FAM131B: variants seen among roughly 807,000 people sequenced by gnomAD.
FAM131B encodes family with sequence similarity 131 member B.
Under a neutral mutation model 42.0 loss-of-function variants are expected in FAM131B, and 19 were observed. That is an observed-to-expected ratio of 0.45 (90% confidence interval 0.32 to 0.66). The LOEUF (loss-of-function observed/expected upper bound fraction) is 0.66. FAM131B is among the 30% of genes least tolerant of loss of function. The probability of loss-of-function intolerance (pLI) is 0.05; values close to 1 mark genes in which losing one functional copy is unlikely to be tolerated. For missense variants in FAM131B, 370 were observed against 468.4 expected, an observed-to-expected ratio of 0.79 and a Z score of 1.94; for synonymous variants, 183 against 177.6, an observed-to-expected ratio of 1.03 and a Z score of -0.24.
chr7:143,368,950 G>A, the FAM131B span, among the ~76,000 whole-genome samples: 2 of 152,182 alleles, frequency 1.3e-5, no homozygotes, highest in East Asian at 3.8e-4. Flanking sequence ...GCTCCAGTTG[G>A]CTATGTCTTT....
chr7:143,359,997 G>T lies in FAM131B; in HGVS notation c.138+43C>A. On this transcript the variant is annotated intron_variant, in intron 2 of 6. Transcript: ENST00000443739. This position sits in a 1 kb window ranked among gnomAD's most constrained non-coding sequence, Gnocchi z 5.4. ...GGGTTGTTGCCTTGGAATTGAGGAA[G>T]TGCAGGCAGCCAGAGACTTGGGGTG... 1 of 1,432,642 alleles carries T rather than the reference G, an allele frequency of 7.0e-7. No homozygotes were observed. The highest frequency in any genetic ancestry group is 9.8e-7 in the Non-Finnish European group (1 of 1,018,484). The allele number at this position is 1,432,642 out of a possible 1,614,324, so 88.7% of individuals were successfully genotyped here. A position where few individuals can be genotyped will look rare whatever the true frequency, so the allele number is the denominator to read the frequency against.
chr7:143,382,189 G>A, the FAM131B span: 7 of 1,432,460 alleles, frequency 4.9e-6, no homozygotes, highest in Non-Finnish European at 6.8e-6. Flanking sequence ...GTTAACTGAG[G>A]GGAGCTTGGG....
chr7:143,362,499 G>T lies in FAM131B; in HGVS notation c.28+77C>A, dbSNP rs1473108137. ...TGCGGAGCGGGGCGCCCGGAGGCGC[G>T]AGGAGAGGGATGGGGGAGGGGGTCG... is the stretch of plus-strand genomic sequence containing the variant. On this transcript the variant is annotated intron_variant, in intron 1 of 6. Coordinates refer to ENST00000443739, the MANE Select transcript of FAM131B (RefSeq NM_001031690.3). The surrounding 1 kb of genome is among the most constrained non-coding windows in gnomAD (Gnocchi z 7.7). 3.2e-6 allele frequency: 2 copies of T among 617,910 alleles called. No individual in the cohort carries two copies. Among genetic ancestry groups the T allele is most frequent in the Non-Finnish European group, 4.6e-6 (2 of 431,372 alleles). 38.3% of individuals were successfully genotyped at this position (617,910 alleles called of 1,614,324 possible).
At position 143,356,866 on chromosome 7, in the gene FAM131B, G is replaced by A. The variant is rs778038423; in HGVS notation, c.767C>T (p.Ser256Leu). 1.2e-5 allele frequency: 19 copies of A among 1,614,138 alleles called. No homozygotes were observed. The highest frequency in any genetic ancestry group is 1.5e-5 in the Non-Finnish European group (18 of 1,180,030). The change falls in exon 7 of 7, where the codon TCA becomes TTA. Residue 256 changes from serine (S) to leucine (L), a missense_variant. Transcript: ENST00000443739. This position sits in a 1 kb window ranked among gnomAD's most constrained non-coding sequence, Gnocchi z 4.4. Reference sequence around the variant, plus strand: ...TCCCATTTCATGCAAGCTGGGTTGTGAGTCATCAAATGCAGGCCCAAGATA... The same window carrying A: ...TCCCATTTCATGCAAGCTGGGTTGTAAGTCATCAAATGCAGGCCCAAGATA... ...GSYLGPAFDD[S>L]QPSLHEMGPS...
chr7:143,362,546 G>A lies in FAM131B; in HGVS notation c.28+30C>T. The A allele has an allele frequency of 1.7e-6, 2 of 1,191,320 alleles. No individual in the cohort carries two copies. Among genetic ancestry groups the A allele is most frequent in the Non-Finnish European group, 2.1e-6 (2 of 953,638 alleles). 73.8% of individuals were successfully genotyped at this position (1,191,320 alleles called of 1,614,324 possible). On this transcript the variant is annotated intron_variant, in intron 1 of 6. Transcript: ENST00000443739. The surrounding 1 kb of genome is among the most constrained non-coding windows in gnomAD (Gnocchi z 7.7). ...GTCGGAGGGCGGCCCGGGGGGCCCA[G>A]CCCTGCCCCCGCCCGGCCGCGGTAC...
Position 143,356,828 on chromosome 7 carries a change from C to T in FAM131B, c.805G>A (p.Ala269Thr). The stretch of plus-strand genomic sequence containing the variant: ...GGCTCCAGAGCAGAGTATCCTGAAG[C>T]TGGTTGGGAAGGTCCCATTTCATGC... ...SLHEMGPSQPASGYSALEPPP... is the reference protein window; with the variant it reads ...SLHEMGPSQPTSGYSALEPPP... The change falls in exon 7 of 7, where the codon GCT becomes ACT. Residue 269 changes from alanine to threonine, a missense_variant. Physicochemically the swap from Ala to Thr is moderately conservative, Grantham distance 58. Transcript: ENST00000443739. The surrounding 1 kb of genome is among the most constrained non-coding windows in gnomAD (Gnocchi z 4.4). 4 of 1,614,134 alleles carry T rather than the reference C, an allele frequency of 2.5e-6. No individual in the cohort carries two copies. Among genetic ancestry groups the T allele is most frequent in the Non-Finnish European group, 2.5e-6 (3 of 1,180,034 alleles).
At chr7:143,362,803 C>T (rs1161040802), upstream of FAM131B, 1 of 174,158 alleles carries the variant, frequency 5.7e-6, no homozygotes, top group East Asian at 1.8e-4. The surrounding 1 kb of genome is among the most constrained non-coding windows in gnomAD (Gnocchi z 7.7). Flanking sequence ...CGCCTGGCTC[C>T]CCCGCCCCGG....
At chr7:143,365,137 A>C (rs1804150787), upstream of FAM131B, among the ~76,000 whole-genome samples, 1 of 152,238 alleles carries the variant, frequency 6.6e-6, no homozygotes, top group Non-Finnish European at 1.5e-5. Context: ...TCAAAGTACA[A>C]GAGAGGGGAA....
the FAM131B span, among the ~76,000 whole-genome samples, chr7:143,375,084 C>A: frequency 1.3e-5 from 2 of 152,322 alleles, no homozygotes; most frequent in African/African-American, 2.4e-5. Context: ...AACTGTCCTG[C>A]ACATAGTAGG....
chr7:143,356,789 C>G lies in FAM131B; in HGVS notation c.844G>C (p.Gly282Arg), dbSNP rs766928709. The stretch of plus-strand genomic sequence containing the variant: ...CCCGGAGCCCAGTCAGTGTCTCCCC[C>G]CAGCAAAGGTGGAGGCTCCAGAGCA... ...YSALEPPPLL[G>R]GDTDWAPGVG... The change falls in exon 7 of 7, where the codon GGG becomes CGG. Residue 282 changes from glycine (G) to arginine (R), a missense_variant. Coordinates refer to ENST00000443739, the MANE Select transcript of FAM131B (RefSeq NM_001031690.3). The surrounding 1 kb of genome is among the most constrained non-coding windows in gnomAD (Gnocchi z 4.4). 1.9e-6 allele frequency: 3 copies of G among 1,614,020 alleles called. No individual in the cohort carries two copies. Among genetic ancestry groups the G allele is most frequent in the Non-Finnish European group, 2.5e-6 (3 of 1,180,024 alleles).
Position 143,356,863 on chromosome 7 carries a change from T to G in FAM131B, c.770A>C (p.Gln257Pro). Residue 257 changes from glutamine (Q) to proline (P), a missense_variant, in exon 7 of 7, where the codon CAA (glutamine) becomes CCA (proline). Gln to Pro is a moderately conservative substitution (Grantham distance 76, BLOSUM62 -1). Coordinates refer to ENST00000443739, the MANE Select transcript of FAM131B (RefSeq NM_001031690.3). This position sits in a 1 kb window ranked among gnomAD's most constrained non-coding sequence, Gnocchi z 4.4. Reference protein sequence around the residue: ...SYLGPAFDDSQPSLHEMGPSQ... With the variant: ...SYLGPAFDDSPPSLHEMGPSQ... ...AGGTCCCATTTCATGCAAGCTGGGTTGTGAGTCATCAAATGCAGGCCCAAG... is the reference window on the plus strand; with the variant it reads ...AGGTCCCATTTCATGCAAGCTGGGTGGTGAGTCATCAAATGCAGGCCCAAG... The G allele has an allele frequency of 6.2e-7, 1 of 1,614,110 alleles. No homozygotes were observed. Among genetic ancestry groups the G allele is most frequent in the South Asian group, 1.1e-5 (1 of 91,088 alleles).
chr7:143,374,940 G>A, the FAM131B span, among the ~76,000 whole-genome samples: 2 of 152,112 alleles, frequency 1.3e-5, no homozygotes, highest in Non-Finnish European at 2.9e-5. Context: ...TCCTGTAACA[G>A]TTGCAGTTTT....
chr7:143,368,977 C>T, the FAM131B span, among the ~76,000 whole-genome samples: 1 of 152,160 alleles, frequency 6.6e-6, no homozygotes, highest in East Asian at 1.9e-4. Context: ...GTGAGCCAAT[C>T]AAGTCCAGAG....
upstream of FAM131B, among the ~76,000 whole-genome samples, chr7:143,364,693 C>T (rs1030696010): frequency 2.6e-5 from 4 of 152,172 alleles, no homozygotes; most frequent in Non-Finnish European, 4.4e-5. Flanking sequence ...ATATTCTAGG[C>T]ATATTCCTGG....
chr7:143,356,188 G>A lies in FAM131B; in HGVS notation c.*362C>T. 1 of 242,186 alleles carries A rather than the reference G, an allele frequency of 4.1e-6. No individual in the cohort carries two copies. The highest frequency in any genetic ancestry group is 9.6e-5 in the South Asian group (1 of 10,420). 15.0% of individuals were successfully genotyped at this position (242,186 alleles called of 1,614,324 possible). A position where few individuals can be genotyped will look rare whatever the true frequency, so the allele number is the denominator to read the frequency against. ...TTACAGCTCCTGGAAGACGAAATCG[G>A]GGCGTGAAGAACTGAGATCCAGTCT... On this transcript the variant is annotated 3_prime_UTR_variant, in exon 7 of 7. Transcript: ENST00000443739. This position sits in a 1 kb window ranked among gnomAD's most constrained non-coding sequence, Gnocchi z 4.4.
At chr7:143,360,297 G>A in intron 1 of FAM131B, 148 bp from the exon 2 acceptor site, 1 of 1,456,238 alleles carries the variant, frequency 6.9e-7, no homozygotes, top group Non-Finnish European at 9.0e-7. Context: ...GGGGAGACAA[G>A]TAGTAATGCT....
In FAM131B at chr7:143,362,481, C is replaced by T; in HGVS notation, c.28+95G>A. ...CTAGCAGGGCAAGGCGGGTGCGGAG[C>T]GGGGCGCCCGGAGGCGCGAGGAGAG... On this transcript the variant is annotated intron_variant, in intron 1 of 6. Coordinates refer to ENST00000443739, the MANE Select transcript of FAM131B (RefSeq NM_001031690.3). This position sits in a 1 kb window ranked among gnomAD's most constrained non-coding sequence, Gnocchi z 7.7. The T allele has an allele frequency of 4.7e-6, 2 of 428,586 alleles. No homozygotes were observed. The highest frequency in any genetic ancestry group is 2.1e-5 in the African/African-American group (1 of 46,924). The allele number at this position is 428,586 out of a possible 1,614,324, so 26.5% of individuals were successfully genotyped here.
chr7:143,359,966 G>C lies in FAM131B; in HGVS notation c.138+74C>G. Reference sequence around the variant, plus strand: ...TCTGTAGAAGTGTCAGTCTGAAGGAGTGTTTGGGTTGTTGCCTTGGAATTG... The same window carrying C: ...TCTGTAGAAGTGTCAGTCTGAAGGACTGTTTGGGTTGTTGCCTTGGAATTG... On this transcript the variant is annotated intron_variant, in intron 2 of 6. Transcript: ENST00000443739. The surrounding 1 kb of genome is among the most constrained non-coding windows in gnomAD (Gnocchi z 5.4). 4 of 1,154,392 alleles carry C rather than the reference G, an allele frequency of 3.5e-6. No individual in the cohort carries two copies. The highest frequency in any genetic ancestry group is 5.2e-6 in the Non-Finnish European group (4 of 776,680). The allele number at this position is 1,154,392 out of a possible 1,614,324, so 71.5% of individuals were successfully genotyped here.
At chr7:143,368,122 A>G in the FAM131B span, among the ~76,000 whole-genome samples, 1 of 152,238 alleles carries the variant, frequency 6.6e-6, no homozygotes, top group Admixed American at 6.5e-5. Flanking sequence ...AAGCACACAC[A>G]GCACCTCAGG....
Sources: gnomAD v4.1 joint callset for allele counts (sites outside exome capture counted in the v4.1 genomes callset) on GRCh38, gnomAD v4.1.1 for gene constraint, Gnocchi (gnomAD v3.1) non-coding constraint, MANE v1.5 for transcripts, NCBI Gene and HGNC (gene_info 2026-07-23, HGNC 2026-07-21) for gene names.